ADGRG1: variants seen among roughly 807,000 people sequenced by gnomAD.
ADGRG1 encodes 7-transmembrane protein with no EGF-like N-terminal domains-1.
ADGRG1 carries 53 observed loss-of-function variants against 73.5 expected under a neutral mutation model. The observed-to-expected ratio is 0.72, with a 90% CI of 0.58 to 0.91. The LOEUF (loss-of-function observed/expected upper bound fraction) is 0.91, where lower values mean the gene tolerates loss of function less well. Among genes scored for constraint, ADGRG1 ranks in the 40% least tolerant of loss-of-function variants. The pLI, the probability that ADGRG1 is intolerant of heterozygous loss-of-function variation, is 0.00. For missense variants in ADGRG1, 795 were observed against 871.8 expected (o/e 0.91, Z 1.11); for synonymous variants, 394 against 374.4 (o/e 1.05, Z -0.60).
intron 1 of ADGRG1, chr16:57,640,955 A>G (rs1443309300): frequency 9.1e-6 from 9 of 985,248 alleles, no homozygotes; most frequent in Middle Eastern, 5.2e-4. Flanking sequence ...AGGGAAGGGG[A>G]ACCTCAGCCA....
At chr16:57,650,783 A>T (rs1158857856) in intron 2 of ADGRG1, among the ~76,000 whole-genome samples, 2 of 132,280 alleles carry the variant, frequency 1.5e-5, no homozygotes, top group African/African-American at 6.0e-5. Context: ...ATCTCGGCTC[A>T]CTGCAAGCTC....
chr16:57,633,616 A>T (rs1597141611), intron 1 of ADGRG1: 3 of 535,080 alleles, frequency 5.6e-6, no homozygotes, highest in East Asian at 3.0e-4. Context: ...CAGGTATATT[A>T]ACCTCTCTGT....
chr16:57,640,453 G>T (rs1378398705), intron 1 of ADGRG1, among the ~76,000 whole-genome samples: 1 of 152,244 alleles, frequency 6.6e-6, no homozygotes, highest in African/African-American at 2.4e-5. Flanking sequence ...GGGTTTTGAG[G>T]AAGCTTAAAT....
intron 1 of ADGRG1, chr16:57,645,508 A>T (rs1443178275): frequency 4.6e-6 from 1 of 216,132 alleles, no homozygotes; most frequent in African/African-American, 2.3e-5. Flanking sequence ...AGAGTGCTGG[A>T]ACGCAGGCTG....
intron 1 of ADGRG1, chr16:57,630,584 G>A: frequency 6.3e-6 from 6 of 955,034 alleles, no homozygotes; most frequent in Non-Finnish European, 7.5e-6. Flanking sequence ...GTGACGGACA[G>A]GCTGTGTCCC....
At chr16:57,627,759 G>C (rs975595121), upstream of ADGRG1, 26 of 983,612 alleles carry the variant, frequency 2.6e-5, no homozygotes, top group Non-Finnish European at 3.0e-5. Flanking sequence ...AGGAGCCTCT[G>C]CAGGGAGTGT....
Position 57,651,490 on chromosome 16 carries a change from C to T in ADGRG1, c.355C>T (p.Leu119Phe). 9 of 1,614,256 alleles carry T rather than the reference C, an allele frequency of 5.6e-6. No individual in the cohort carries two copies. The highest frequency in any genetic ancestry group is 7.6e-6 in the Non-Finnish European group (9 of 1,180,042). Reference sequence around the variant, plus strand: ...CTTGCTGAGTGACAAAGCCTCTAGCCTCCTCTGCTTCCAGCACCAGGAGGA... The same window carrying T: ...CTTGCTGAGTGACAAAGCCTCTAGCTTCCTCTGCTTCCAGCACCAGGAGGA... ...DFLLSDKASS[L>F]LCFQHQEESL... The change falls in exon 3 of 14, where the codon CTC (leucine) becomes TTC (phenylalanine). Residue 119 changes from leucine to phenylalanine, a missense_variant. Coordinates refer to ENST00000562631, the MANE Select transcript of ADGRG1 (RefSeq NM_201525.4).
chr16:57,651,705 C>T, intron 3 of ADGRG1, 83 bp downstream of exon 3: 1 of 1,521,494 alleles, frequency 6.6e-7, no homozygotes, highest in South Asian at 1.2e-5. Context: ...ACTGGGCTCA[C>T]AATATCAGAT....
chr16:57,627,119 G>T, upstream of ADGRG1: 1 of 889,774 alleles, frequency 1.1e-6, no homozygotes, highest in South Asian at 5.5e-5. Context: ...GCACCCCACG[G>T]GGTGGCTTTG....
upstream of ADGRG1, chr16:57,623,004 A>G: frequency 1.0e-6 from 1 of 985,422 alleles, no homozygotes; most frequent in Non-Finnish European, 1.2e-6. Context: ...CATGTGGTCA[A>G]GTTGCCATTG....
intron 10 of ADGRG1, among the ~76,000 whole-genome samples, chr16:57,657,781 G>C (rs781087994): frequency 4.1e-4 from 62 of 151,586 alleles, no homozygotes; most frequent in Non-Finnish European, 8.5e-4. Flanking sequence ...TGCCTCTGTC[G>C]CCCAGGCTGG....
Position 57,657,449 on chromosome 16 carries a change from C to A in ADGRG1, c.1244C>A (p.Ala415Asp). ...LLSYVGCVVS[A>D]LACLVTIAAY... ...TCCTACGTGGGCTGTGTCGTCTCTG[C>A]CCTGGCCTGCCTTGTCACCATTGCC... The change falls in exon 10 of 14, where the codon GCC becomes GAC. Residue 415 changes from alanine (A) to aspartate (D), a missense_variant. Coordinates refer to ENST00000562631, the MANE Select transcript of ADGRG1 (RefSeq NM_201525.4). 6.2e-7 allele frequency: 1 copy of A among 1,614,076 alleles called. No individual in the cohort carries two copies. The highest frequency in any genetic ancestry group is 1.1e-5 in the South Asian group (1 of 91,082).
Sources: allele counts gnomAD v4.1 joint callset (sites outside exome capture counted in the v4.1 genomes callset), GRCh38; gene constraint gnomAD v4.1.1; transcripts MANE v1.5; gene names NCBI Gene and HGNC (gene_info 2026-07-23, HGNC 2026-07-21).